Variants in ANO1 observed in about 807,000 individuals in gnomAD.
The protein encoded by ANO1 is anoctamin 1.
Under a neutral mutation model 124.0 loss-of-function variants are expected in ANO1, and 59 were observed. The observed-to-expected ratio is 0.48, with a 90% CI of 0.39 to 0.59. The LOEUF is 0.59. ANO1 is among the 20% of genes least tolerant of loss of function. The probability of loss-of-function intolerance (pLI) is 0.00; values close to 1 mark genes in which losing one functional copy is unlikely to be tolerated. For missense variants in ANO1, 1,059 were observed against 1,328.0 expected (o/e 0.80, Z 3.15); for synonymous variants, 529 against 532.0 (o/e 0.99, Z 0.08).
chr11:70,144,504 C>T (rs1201634139), intron 11 of ANO1, among the ~76,000 whole-genome samples: 1 of 152,128 alleles, frequency 6.6e-6, no homozygotes, highest in Non-Finnish European at 1.5e-5. Context: ...CTGATGAGAT[C>T]CCATGTAGAC....
intron 8 of ANO1, among the ~76,000 whole-genome samples, chr11:70,122,831 C>A (rs1243558925): frequency 6.6e-6 from 1 of 152,206 alleles, no homozygotes; most frequent in Non-Finnish European, 1.5e-5. Flanking sequence ...CTGTCTATGG[C>A]ATAAATCAGC....
At chr11:70,117,157 G>C (rs2046014996) in intron 8 of ANO1, among the ~76,000 whole-genome samples, 2 of 116,272 alleles carry the variant, frequency 1.7e-5, no homozygotes, top group South Asian at 5.9e-4. Context: ...CAGGCCCTCT[G>C]CCTCCCGGGT....
At position 70,182,635 on chromosome 11, in the gene ANO1, G is replaced by T; in HGVS notation, c.2537G>T (p.Gly846Val). The change falls in exon 24 of 26, where the codon GGC becomes GTC. Residue 846 changes from glycine to valine, a missense_variant. Transcript: ENST00000355303. The part of the protein sequence containing the change: ...SSFNVSDFQN[G>V]TAPNDPLDLG... ...TTCAACGTCAGTGACTTCCAGAACGGCACGGCCCCCAATGACCCCCTGGAC... is the reference window on the plus strand; with the variant it reads ...TTCAACGTCAGTGACTTCCAGAACGTCACGGCCCCCAATGACCCCCTGGAC... 3.1e-6 allele frequency: 5 copies of T among 1,612,622 alleles called. No homozygotes were observed. The African/African-American group carries it at 4.0e-5, about 13-fold the overall frequency.
At position 70,105,604 on chromosome 11, in the gene ANO1, G is replaced by A. The variant is rs72939399; in HGVS notation, c.693-130G>A. On this transcript the variant is annotated intron_variant, in intron 4 of 25. Transcript: ENST00000355303. ...CAGGGGCGGACGGGTCATACCTGGC[G>A]TGCGGACAGAGTTCTGTCCATTTCA... 4.6e-3 allele frequency: 3,799 copies of A among 824,878 alleles called. 14 individuals are homozygous for A. The highest frequency in any genetic ancestry group is 6.0e-3 in the Non-Finnish European group (2,989 of 496,766). 51.1% of individuals were successfully genotyped at this position (824,878 alleles called of 1,614,324 possible).
intron 1 of ANO1, among the ~76,000 whole-genome samples, chr11:70,031,286 C>G (rs573490628): frequency 6.6e-6 from 1 of 152,180 alleles, no homozygotes; most frequent in Admixed American, 6.5e-5. Flanking sequence ...ATGGTATCAT[C>G]AAATCAAGCT....
At chr11:70,059,153 C>T (rs1169893131) in intron 1 of ANO1, among the ~76,000 whole-genome samples, 25 of 151,678 alleles carry the variant, frequency 1.6e-4, no homozygotes, top group African/African-American at 5.8e-4. Context: ...GATTGTGCCA[C>T]TGCACTCCAA....
upstream of ANO1, among the ~76,000 whole-genome samples, chr11:69,985,349 G>C (rs1000544246): frequency 1.5e-5 from 2 of 134,692 alleles, no homozygotes; most frequent in African/African-American, 2.7e-5. Context: ...GGAGGGGAGG[G>C]GGGTGGGCAG....
intron 8 of ANO1, among the ~76,000 whole-genome samples, chr11:70,123,291 C>T (rs569764553): frequency 4.6e-5 from 7 of 152,368 alleles, no homozygotes; most frequent in South Asian, 2.1e-4. Flanking sequence ...CTCAGGAATA[C>T]GCCCTCCACC....
intron 1 of ANO1, among the ~76,000 whole-genome samples, chr11:70,008,619 G>T (rs1856537112): frequency 6.7e-6 from 1 of 149,524 alleles, no homozygotes; most frequent in African/African-American, 2.5e-5. Flanking sequence ...CTTTCTGCCA[G>T]TGCCAACTGT....
intron 1 of ANO1, among the ~76,000 whole-genome samples, chr11:70,070,232 T>G (rs962268665): frequency 1.3e-5 from 2 of 152,202 alleles, no homozygotes; most frequent in Admixed American, 1.3e-4. Context: ...GATCAAATTA[T>G]GACAAAATCA....
At position 70,085,316 on chromosome 11, in the gene ANO1, C is replaced by T. The variant is rs1021551277; in HGVS notation, c.109-2436C>T. 5.1e-6 allele frequency: 7 copies of T among 1,371,862 alleles called. No homozygotes were observed. The African/African-American group carries it at 1.0e-4, about 20-fold the overall frequency. The allele number at this position is 1,371,862 out of a possible 1,614,324, so 85.0% of individuals were successfully genotyped here. On this transcript the variant is annotated intron_variant, in intron 1 of 25. Coordinates refer to ENST00000355303, the MANE Select transcript of ANO1 (RefSeq NM_018043.7). ...CCTCAAAAGCCAGCCCTCCCCCACCCTTCCCCCTGAGCCCTCCCAAGCCAC... is the reference window on the plus strand; with the variant it reads ...CCTCAAAAGCCAGCCCTCCCCCACCTTTCCCCCTGAGCCCTCCCAAGCCAC...
At chr11:69,984,102 A>G (rs1229369392), upstream of ANO1, among the ~76,000 whole-genome samples, 1 of 152,170 alleles carries the variant, frequency 6.6e-6, no homozygotes, top group Non-Finnish European at 1.5e-5. Flanking sequence ...GTGTATTTAC[A>G]TAACTGAGCA....
chr11:70,149,741 A>G lies in ANO1; in HGVS notation c.1290A>G (p.Lys430=), dbSNP rs1294891256. ...AATFMEHWKR[K]QMRLNYRWDL... ...CCTTCATGGAGCACTGGAAGCGGAA[A>G]CAGATGCGACTCAACTACCGCTGGG... Residue 430 remains lysine, a synonymous_variant, in exon 12 of 26, where the codon AAA becomes AAG. Coordinates refer to ENST00000355303, the MANE Select transcript of ANO1 (RefSeq NM_018043.7). 1 of 1,613,714 alleles carries G rather than the reference A, an allele frequency of 6.2e-7. No individual in the cohort carries two copies. Among genetic ancestry groups the G allele is most frequent in the Non-Finnish European group, 8.5e-7 (1 of 1,179,846 alleles).
At chr11:70,186,137 A>G (rs376996352) in intron 25 of ANO1, among the ~76,000 whole-genome samples, 4 of 152,198 alleles carry the variant, frequency 2.6e-5, no homozygotes, top group African/African-American at 9.6e-5. Context: ...AATATCAAAA[A>G]TTAGCCGGGT....
At chr11:70,184,954 C>T (rs1327552242) in intron 24 of ANO1, among the ~76,000 whole-genome samples, 1 of 152,088 alleles carries the variant, frequency 6.6e-6, no homozygotes, top group African/African-American at 2.4e-5. Context: ...ACTGTGTGGC[C>T]CAGACTGATC....
intron 12 of ANO1, 30 bp downstream of exon 12, chr11:70,149,822 G>A (rs781487167): frequency 1.7e-5 from 28 of 1,608,204 alleles, no homozygotes; most frequent in African/African-American, 5.3e-5. Context: ...TGCATATCAC[G>A]CCCTTCCCCC....
chr11:69,979,030 G>A, the ANO1 span, among the ~76,000 whole-genome samples: 485 of 152,188 alleles, frequency 3.2e-3, 2 homozygotes, highest in African/African-American at 0.011. Context: ...CCAAAAACTC[G>A]AGCGATGCGG....
At chr11:69,977,225 C>T in the ANO1 span, among the ~76,000 whole-genome samples, 12 of 152,186 alleles carry the variant, frequency 7.9e-5, no homozygotes, top group South Asian at 4.1e-4. Flanking sequence ...GTGACCCTAG[C>T]GAGTCCGGTT....
At chr11:70,185,468 C>A in intron 24 of ANO1, 122 bp from the exon 25 acceptor site, 1 of 819,198 alleles carries the variant, frequency 1.2e-6, no homozygotes, top group Non-Finnish European at 1.9e-6. Flanking sequence ...GAGGGCTGCC[C>A]TCCCGGAGGC....
Sources: allele counts gnomAD v4.1 joint callset (sites outside exome capture counted in the v4.1 genomes callset), GRCh38; gene constraint gnomAD v4.1.1; transcripts MANE v1.5; gene names NCBI Gene and HGNC (gene_info 2026-07-23, HGNC 2026-07-21).